The following PCDHGB4 variants were observed in gnomAD, a reference collection of about 807,000 sequenced individuals.
PCDHGB4 encodes protocadherin gamma subfamily B, 4.
In PCDHGB4, 38 loss-of-function variants were observed where a neutral mutation model predicts 60.5. The observed-to-expected ratio is 0.63, with a 90% confidence interval of 0.48 to 0.82. The LOEUF (loss-of-function observed/expected upper bound fraction) is 0.82, where lower values mean the gene tolerates loss of function less well. Ranked by LOEUF, PCDHGB4 falls within the 40% of genes least tolerant of loss-of-function variation. The pLI is 0.00. For missense variants in PCDHGB4, 1,109 were observed against 1,209.6 expected, an observed-to-expected ratio of 0.92 and a Z score of 1.23; for synonymous variants, 456 against 509.7, an observed-to-expected ratio of 0.89 and a Z score of 1.42.
chr5:141,414,408 C>A (rs1190630924), intron 1 of PCDHGB4: 1 of 1,613,752 alleles, frequency 6.2e-7, no homozygotes, highest in Non-Finnish European at 8.5e-7. Context: ...TGGTGATACA[C>A]AGAGCCCTTG....
At position 141,444,986 on chromosome 5, in the gene PCDHGB4, T is replaced by C. The variant is rs990862582; in HGVS notation, c.2398-49821T>C. On this transcript the variant is annotated intron_variant, in intron 1 of 3. Transcript: ENST00000519479. ...TGACACTTCAAATCCATGAACATGG[T>C]ATATATTTCCATTTAATTAGGTCTT... Among the ~76,000 whole-genome samples, 4 of 152,206 alleles carry C rather than the reference T, an allele frequency of 2.6e-5. No individual in the cohort carries two copies. The East Asian group carries it at 7.7e-4, about 29-fold the overall frequency.
chr5:141,466,581 T>C (rs1426600962), intron 1 of PCDHGB4, among the ~76,000 whole-genome samples: 2 of 152,198 alleles, frequency 1.3e-5, no homozygotes, highest in Non-Finnish European at 2.9e-5. Flanking sequence ...GTCTCATCCC[T>C]TCTTAAAACA....
At chr5:141,422,812 T>A in intron 1 of PCDHGB4, 1 of 1,614,206 alleles carries the variant, frequency 6.2e-7, no homozygotes, top group Non-Finnish European at 8.5e-7. Context: ...GTTTCGAGAC[T>A]TAGAACTGAG....
At chr5:141,498,971 G>GGAAGGAA (rs2099787559) in intron 2 of PCDHGB4, among the ~76,000 whole-genome samples, 2 of 111,052 alleles carry the variant, frequency 1.8e-5, no homozygotes, top group African/African-American at 7.2e-5. Context: ...GAGGGAGGGA[G>GGAAGGAA]GGAAGGAAGG....
In PCDHGB4 at chr5:141,486,819, T is replaced by TG; in HGVS notation, c.2398-7988_2398-7987insG. 6.2e-7 allele frequency: 1 copy of TG among 1,614,212 alleles called. No homozygotes were observed. Among genetic ancestry groups the TG allele is most frequent in the Non-Finnish European group, 8.5e-7 (1 of 1,180,034 alleles). On this transcript the variant is annotated intron_variant, in intron 1 of 3. Coordinates refer to ENST00000519479, the MANE Select transcript of PCDHGB4 (RefSeq NM_003736.4). The surrounding 1 kb of genome is among the most constrained non-coding windows in gnomAD (Gnocchi z 5.0). ...GGCAACCCACCCCTTAGCAGCACTG[T>TG]AACAGTTCGTCTATTTGTGCTGGAC...
At chr5:141,408,769 C>T in intron 1 of PCDHGB4, 1 of 1,611,166 alleles carries the variant, frequency 6.2e-7, no homozygotes, top group Non-Finnish European at 8.5e-7. Context: ...CCGATGGTGG[C>T]AAATACCCAG....
At position 141,487,276 on chromosome 5, in the gene PCDHGB4, C is replaced by G; in HGVS notation, c.2398-7531C>G. On this transcript the variant is annotated intron_variant, in intron 1 of 3. Coordinates refer to ENST00000519479, the MANE Select transcript of PCDHGB4 (RefSeq NM_003736.4). The surrounding 1 kb of genome is among the most constrained non-coding windows in gnomAD (Gnocchi z 5.0). ...TGGCTGTGTCCCTAGTGGCAATTTG[C>G]TTTGTCTCCTTTGGCTCATTCGTGG... 1 of 1,614,158 alleles carries G rather than the reference C, an allele frequency of 6.2e-7. No homozygotes were observed. The highest frequency in any genetic ancestry group is 1.1e-5 in the South Asian group (1 of 91,082).
intron 1 of PCDHGB4, chr5:141,400,083 C>T (rs1396687812): frequency 6.2e-7 from 1 of 1,614,048 alleles, no homozygotes; most frequent in Non-Finnish European, 8.5e-7. Context: ...CACTCTCCGC[C>T]ACCGCCACGC....
In PCDHGB4 at chr5:141,491,443, G is replaced by C. The variant is rs955584868; in HGVS notation, c.2398-3364G>C. On this transcript the variant is annotated intron_variant, in intron 1 of 3. Transcript: ENST00000519479. This position sits in a 1 kb window ranked among gnomAD's most constrained non-coding sequence, Gnocchi z 6.9. ...TGGAGGGCAGTGCTGCAGGCGCCAG[G>C]ACTCACCCTCCCCGGACTTCTATAA... 1 of 1,613,998 alleles carries C rather than the reference G, an allele frequency of 6.2e-7. No homozygotes were observed. Among genetic ancestry groups the C allele is most frequent in the Admixed American group, 1.7e-5 (1 of 60,000 alleles).
At chr5:141,500,086 A>G (rs1456179271) in intron 2 of PCDHGB4, among the ~76,000 whole-genome samples, 1 of 151,682 alleles carries the variant, frequency 6.6e-6, no homozygotes, top group Non-Finnish European at 1.5e-5. Flanking sequence ...TCCATCTTCC[A>G]TTTTTGCAAT....
rs774992336 is a variant in PCDHGB4, at chr5:141,409,845, T to G, written c.2397+19564T>G. The G allele has an allele frequency of 7.4e-6, 12 of 1,611,748 alleles. No homozygotes were observed. In the African/African-American group the frequency reaches 1.6e-4, roughly 22 times the overall value. On this transcript the variant is annotated intron_variant, in intron 1 of 3. Coordinates refer to ENST00000519479, the MANE Select transcript of PCDHGB4 (RefSeq NM_003736.4). ...CCCACGCTCAGCGCCAACGTGAGCCTGCGCGTGTTGGTGGGAGACCGCAAT... is the reference window on the plus strand; with the variant it reads ...CCCACGCTCAGCGCCAACGTGAGCCGGCGCGTGTTGGTGGGAGACCGCAAT...
chr5:141,490,215 G>C lies in PCDHGB4; in HGVS notation c.2398-4592G>C. 6.2e-7 allele frequency: 1 copy of C among 1,614,254 alleles called. No individual in the cohort carries two copies. Among genetic ancestry groups the C allele is most frequent in the African/African-American group, 1.3e-5 (1 of 75,078 alleles). On this transcript the variant is annotated intron_variant, in intron 1 of 3. Coordinates refer to ENST00000519479, the MANE Select transcript of PCDHGB4 (RefSeq NM_003736.4). The surrounding 1 kb of genome is among the most constrained non-coding windows in gnomAD (Gnocchi z 5.4). ...AAATTCATGCAAGAGCCCGTGACCA[G>C]GGACAGCCTGCCATGGAGGGCCACT... is the stretch of plus-strand genomic sequence containing the variant.
intron 1 of PCDHGB4, chr5:141,399,606 G>A: frequency 1.2e-6 from 2 of 1,613,956 alleles, no homozygotes; most frequent in Non-Finnish European, 1.7e-6. Context: ...GCGACCTAGA[G>A]CCTCTGGCAC....
intron 1 of PCDHGB4, among the ~76,000 whole-genome samples, chr5:141,448,768 G>A (rs544426582): frequency 1.3e-5 from 2 of 151,632 alleles, no homozygotes; most frequent in Non-Finnish European, 2.9e-5. Flanking sequence ...GTGAAACCCC[G>A]TCTGTACTAA....
chr5:141,497,825 C>T (rs1015168533), intron 2 of PCDHGB4, among the ~76,000 whole-genome samples: 3 of 152,154 alleles, frequency 2.0e-5, no homozygotes, highest in Admixed American at 6.5e-5. Context: ...CAGGTGTGAT[C>T]GCCCCCGGCC....
At chr5:141,430,837 C>G (rs1350348914) in intron 1 of PCDHGB4, 1 of 1,560,074 alleles carries the variant, frequency 6.4e-7, no homozygotes, top group Non-Finnish European at 8.6e-7. Context: ...TGTGGGAGAC[C>G]GGATGCACCC....
Position 141,485,096 on chromosome 5 carries a change from C to T in PCDHGB4, c.2398-9711C>T, listed in dbSNP as rs1166994104. On this transcript the variant is annotated intron_variant, in intron 1 of 3. Coordinates refer to ENST00000519479, the MANE Select transcript of PCDHGB4 (RefSeq NM_003736.4). This position sits in a 1 kb window ranked among gnomAD's most constrained non-coding sequence, Gnocchi z 5.7. The stretch of plus-strand genomic sequence containing the variant: ...CGCGGGGAAAGGGAGATAGGTGTCT[C>T]CAGCTGCTGTGGCTGTTTGGGGCGG... The T allele has an allele frequency of 1.8e-6, 2 of 1,125,566 alleles. No homozygotes were observed. The highest frequency in any genetic ancestry group is 3.1e-5 in the African/African-American group (2 of 64,908). 69.7% of individuals were successfully genotyped at this position (1,125,566 alleles called of 1,614,324 possible).
rs371139792 is a variant in PCDHGB4 at position 141,490,160 on chromosome 5, C to A, written c.2398-4647C>A. On this transcript the variant is annotated intron_variant, in intron 1 of 3. Transcript: ENST00000519479. This position sits in a 1 kb window ranked among gnomAD's most constrained non-coding sequence, Gnocchi z 5.4. The stretch of plus-strand genomic sequence containing the variant: ...AGTGGGGCAATCCATGTGTTGGGTC[C>A]CATAGACTTTGAGGAGTCACGTTTC... The A allele has an allele frequency of 5.6e-6, 9 of 1,614,192 alleles. No homozygotes were observed. The highest frequency in any genetic ancestry group is 7.6e-6 in the Non-Finnish European group (9 of 1,180,016).
intron 2 of PCDHGB4, among the ~76,000 whole-genome samples, chr5:141,496,206 A>C (rs2099766963): frequency 6.6e-6 from 1 of 152,126 alleles, no homozygotes; most frequent in South Asian, 2.1e-4. Context: ...TCAATCTGGT[A>C]TGAATTCCTG....
Sources: allele counts gnomAD v4.1 joint callset (sites outside exome capture counted in the v4.1 genomes callset), GRCh38; gene constraint gnomAD v4.1.1; non-coding constraint Gnocchi (gnomAD v3.1); transcripts MANE v1.5; gene names NCBI Gene and HGNC (gene_info 2026-07-23, HGNC 2026-07-21).